NCAM2: variants seen among roughly 807,000 people sequenced by gnomAD.
NCAM2 encodes the protein N-CAM-2.
A neutral mutation model predicts 98.1 loss-of-function variants in NCAM2; 30 were observed. That is an observed-to-expected ratio of 0.31 (90% CI 0.23 to 0.41). The LOEUF is 0.41. Ranked by LOEUF, NCAM2 falls within the 10% of genes least tolerant of loss-of-function variation. The probability of loss-of-function intolerance (pLI) is 1.00; values close to 1 mark genes in which losing one functional copy is unlikely to be tolerated. For missense variants in NCAM2, 867 were observed against 1,005.8 expected (o/e 0.86, Z 1.87); for synonymous variants, 368 against 342.4 (o/e 1.07, Z -0.83).
intron 1 of NCAM2, among the ~76,000 whole-genome samples, chr21:21,091,378 A>G (rs1260818798): frequency 1.3e-5 from 2 of 152,096 alleles, no homozygotes; most frequent in African/African-American, 2.4e-5. Flanking sequence ...CTCACGTCCA[A>G]ATGTGCCTGT....
chr21:21,287,444 C>G (rs1312870799), intron 4 of NCAM2, among the ~76,000 whole-genome samples: 1 of 151,756 alleles, frequency 6.6e-6, no homozygotes, highest in Non-Finnish European at 1.5e-5. Flanking sequence ...ACTTTATTTC[C>G]TCTTGTTCTG....
intron 1 of NCAM2, among the ~76,000 whole-genome samples, chr21:21,213,836 C>A (rs1387382881): frequency 6.6e-6 from 1 of 152,068 alleles, no homozygotes; most frequent in Non-Finnish European, 1.5e-5. Flanking sequence ...TAAAACCTGC[C>A]TAATGTAAAC....
intron 1 of NCAM2, among the ~76,000 whole-genome samples, chr21:21,068,785 C>A (rs930703274): frequency 7.9e-5 from 12 of 152,170 alleles, no homozygotes; most frequent in African/African-American, 2.9e-4. Flanking sequence ...GTATTATTAT[C>A]TGCGTAACGG....
intron 12 of NCAM2, among the ~76,000 whole-genome samples, chr21:21,443,335 TG>T (rs1244678385): frequency 6.6e-6 from 1 of 152,112 alleles, no homozygotes; most frequent in Non-Finnish European, 1.5e-5. Flanking sequence ...AATGACGAGT[TG>T]ATGGGTGCAG....
At chr21:21,105,296 A>G (rs2066322419) in intron 1 of NCAM2, among the ~76,000 whole-genome samples, 1 of 152,306 alleles carries the variant, frequency 6.6e-6, no homozygotes, top group Non-Finnish European at 1.5e-5. Context: ...TGAAGGGTCC[A>G]TGTAACATTA....
intron 1 of NCAM2, among the ~76,000 whole-genome samples, chr21:21,109,715 A>G (rs2066418360): frequency 6.6e-6 from 1 of 152,144 alleles, no homozygotes; most frequent in Non-Finnish European, 1.5e-5. Context: ...CTGTGATTCA[A>G]TTACAATAGT....
intron 9 of NCAM2, among the ~76,000 whole-genome samples, chr21:21,388,125 T>A (rs2076307767): frequency 6.6e-6 from 1 of 152,194 alleles, no homozygotes. Context: ...GATATCATCT[T>A]ATGGTGATGG....
At chr21:21,457,422 A>G (rs986219138) in intron 12 of NCAM2, among the ~76,000 whole-genome samples, 2 of 152,166 alleles carry the variant, frequency 1.3e-5, no homozygotes, top group African/African-American at 4.8e-5. Context: ...CGGGCAGATC[A>G]TGAGGTCCGG....
At chr21:21,074,392 C>A (rs2049619663) in intron 1 of NCAM2, among the ~76,000 whole-genome samples, 2 of 151,726 alleles carry the variant, frequency 1.3e-5, no homozygotes, top group South Asian at 4.2e-4. Context: ...ATTTATTTTA[C>A]ATTTACTTAT....
Position 21,387,977 on chromosome 21 carries a change from C to T in NCAM2, c.1195+13964C>T, listed in dbSNP as rs137956544. On this transcript the variant is annotated intron_variant, in intron 9 of 17. Coordinates refer to ENST00000400546, the MANE Select transcript of NCAM2 (RefSeq NM_004540.5). ...AAACACCCAAAAACACAGTGTCATA[C>T]GATAATTATCACGTTGGAAACTGCT... Among the ~76,000 whole-genome samples, 269 of 152,252 alleles carry T rather than the reference C, an allele frequency of 1.8e-3. 2 individuals carry two copies. The highest frequency in any genetic ancestry group is 6.1e-3 in the African/African-American group (252 of 41,542).
In NCAM2 at chr21:21,189,738, A is replaced by T. The variant is rs369121057; in HGVS notation, c.56-90840A>T. On this transcript the variant is annotated intron_variant, in intron 1 of 17. Coordinates refer to ENST00000400546, the MANE Select transcript of NCAM2 (RefSeq NM_004540.5). ...AATCATAAAGTGATGAATTTGTTGG[A>T]TATGTTTATAGAAGGGTCTTTCTGA... 7.2e-5 allele frequency among the ~76,000 whole-genome samples: 11 copies of T among 152,246 alleles called. 1 individual carries two copies. The highest frequency in any genetic ancestry group is 5.8e-4 in the East Asian group (3 of 5,176).
intron 12 of NCAM2, among the ~76,000 whole-genome samples, chr21:21,454,443 G>A (rs545531032): frequency 6.6e-6 from 1 of 152,020 alleles, no homozygotes; most frequent in African/African-American, 2.4e-5. Context: ...ATAATTTTAA[G>A]GTGTTAACAT....
intron 1 of NCAM2, among the ~76,000 whole-genome samples, chr21:21,219,844 A>G (rs1309539993): frequency 6.6e-6 from 1 of 152,206 alleles, no homozygotes; most frequent in Non-Finnish European, 1.5e-5. Context: ...GTGTGGAGGT[A>G]AAAGACAGTG....
At chr21:21,076,204 GA>G (rs1321403808) in intron 1 of NCAM2, among the ~76,000 whole-genome samples, 2 of 151,902 alleles carry the variant, frequency 1.3e-5, no homozygotes, top group East Asian at 3.9e-4. Context: ...GAAATGAGCT[GA>G]AAACTTTCTT....
At position 21,530,218 on chromosome 21, in the gene NCAM2, ATTT is replaced by A. The variant is rs1265210744; in HGVS notation, c.2283-4318_2283-4316del. ...ATTTAATTATATATAATTTAATTTA[ATTT>A]AATTATATATATTTAATTTAAATTA... On this transcript the variant is annotated intron_variant, in intron 16 of 17. Coordinates refer to ENST00000400546, the MANE Select transcript of NCAM2 (RefSeq NM_004540.5). Among the ~76,000 whole-genome samples the A allele has an allele frequency of 2.2e-4, 21 of 93,472 alleles. 2 individuals are homozygous for A. Among genetic ancestry groups the A allele is most frequent in the African/African-American group, 8.4e-4 (21 of 24,938 alleles). 61.3% of individuals were successfully genotyped at this position (93,472 alleles called of 152,430 possible). A position where few individuals can be genotyped will look rare whatever the true frequency, so the allele number is the denominator to read the frequency against.
At chr21:21,107,930 G>A (rs2066381458) in intron 1 of NCAM2, among the ~76,000 whole-genome samples, 1 of 151,884 alleles carries the variant, frequency 6.6e-6, no homozygotes, top group Admixed American at 6.6e-5. Context: ...GTACCAGTTG[G>A]ATATTATCTA....
intron 16 of NCAM2, among the ~76,000 whole-genome samples, chr21:21,533,165 G>C (rs868539307): frequency 2.6e-5 from 1 of 37,788 alleles, no homozygotes; most frequent in African/African-American, 1.2e-4. Context: ...TTGTTTGCTT[G>C]CTTTTTTTTT....
chr21:21,321,052 A>T (rs569079784), intron 5 of NCAM2, among the ~76,000 whole-genome samples: 1 of 152,282 alleles, frequency 6.6e-6, no homozygotes, highest in East Asian at 1.9e-4. Flanking sequence ...ACTATCAAAT[A>T]ACTTTGGTGT....
intron 12 of NCAM2, among the ~76,000 whole-genome samples, chr21:21,452,753 A>C (rs1188149133): frequency 1.9e-5 from 2 of 107,120 alleles, no homozygotes; most frequent in Non-Finnish European, 3.4e-5. Context: ...AATATATAAT[A>C]TATTACTTTA....
Sources: allele counts gnomAD v4.1 joint callset (sites outside exome capture counted in the v4.1 genomes callset), GRCh38; gene constraint gnomAD v4.1.1; transcripts MANE v1.5; gene names NCBI Gene and HGNC (gene_info 2026-07-23, HGNC 2026-07-21).